Variants in IDH3B observed in about 807,000 individuals in gnomAD.
The protein encoded by IDH3B is isocitrate dehydrogenase [NAD] subunit beta, mitochondrial.
Under a neutral mutation model 47.5 loss-of-function variants are expected in IDH3B, and 40 were observed. That is an observed-to-expected ratio of 0.84 (90% confidence interval 0.65 to 1.10). The LOEUF is 1.10. IDH3B is among the 50% of genes least tolerant of loss of function. The pLI, the probability that IDH3B is intolerant of heterozygous loss-of-function variation, is 0.00. For synonymous variants in IDH3B, 185 were observed against 191.0 expected (o/e 0.97, Z 0.26); for missense variants, 450 against 505.2 (o/e 0.89, Z 1.05).
rs372640379 is a variant in IDH3B at position 2,658,567 on chromosome 20, C to T, written c.*184G>A. On this transcript the variant is annotated 3_prime_UTR_variant, in exon 12 of 12. Coordinates refer to ENST00000380843, the MANE Select transcript of IDH3B (RefSeq NM_006899.5). ...TCATCCATGTGGCCTGGGCTCCATCCTAACAATCCCCATCACCACCCAACA... is the reference window on the plus strand; with the variant it reads ...TCATCCATGTGGCCTGGGCTCCATCTTAACAATCCCCATCACCACCCAACA... The T allele has an allele frequency of 5.2e-5, 84 of 1,612,528 alleles. No homozygotes were observed. The highest frequency in any genetic ancestry group is 1.0e-4 in the Admixed American group (6 of 59,672).
intron 4 of IDH3B, among the ~76,000 whole-genome samples, chr20:2,663,054 G>T (rs765953841): frequency 6.6e-6 from 1 of 152,014 alleles, no homozygotes; most frequent in African/African-American, 2.4e-5. Flanking sequence ...TTGAACCAGG[G>T]ACGGGGAGGT....
intron 4 of IDH3B, among the ~76,000 whole-genome samples, chr20:2,662,192 G>A (rs867017143): frequency 3.3e-5 from 5 of 152,160 alleles, no homozygotes; most frequent in South Asian, 2.1e-4. Flanking sequence ...AGTGTGTTAC[G>A]GCAGCTATGG....
intron 9 of IDH3B, 117 bp downstream of exon 9, chr20:2,659,913 G>T: frequency 2.0e-6 from 3 of 1,477,058 alleles, no homozygotes; most frequent in Non-Finnish European, 2.8e-6. Flanking sequence ...AAAGAGGCAT[G>T]GTGGGCAGCG....
rs1342990052 is a variant in IDH3B at position 2,663,452 on chromosome 20, T to C, written c.331A>G (p.Ile111Val). Reference sequence around the variant, plus strand: ...GGCAAGAGGGCACACATACCAATGATGGCCACTTTGTTCTCCTTCATGGAA... The same window carrying C: ...GGCAAGAGGGCACACATACCAATGACGGCCACTTTGTTCTCCTTCATGGAA... ...LSSMKENKVA[I>V]IGKIHTPMEY... The change falls in exon 4 of 12, where the codon ATC becomes GTC. Residue 111 changes from isoleucine (I) to valine (V), a missense_variant. By Grantham distance (29) the Ile-to-Val change is conservative. Coordinates refer to ENST00000380843, the MANE Select transcript of IDH3B (RefSeq NM_006899.5). 6.2e-7 allele frequency: 1 copy of C among 1,614,110 alleles called. No individual in the cohort carries two copies. Among genetic ancestry groups the C allele is most frequent in the African/African-American group, 1.3e-5 (1 of 74,938 alleles).
Position 2,659,565 on chromosome 20 carries a change from A to T in IDH3B, c.1031T>A (p.Met344Lys), listed in dbSNP as rs749874729. The T allele has an allele frequency of 1.9e-6, 3 of 1,614,118 alleles. No individual in the cohort carries two copies. The highest frequency in any genetic ancestry group is 1.7e-5 in the Admixed American group (1 of 60,004). Residue 344 changes from methionine to lysine, a missense_variant, in exon 11 of 12, where the codon ATG becomes AAG. Transcript: ENST00000380843. Reference sequence around the variant, plus strand: ...CACCTTCTTCACCGCATCTGCGATCATGCTGGAGTGATACTCAAGACTGTG... The same window carrying T: ...CACCTTCTTCACCGCATCTGCGATCTTGCTGGAGTGATACTCAAGACTGTG... ...RHLNLEYHSSMIADAVKKVIK... is the reference protein window; with the variant it reads ...RHLNLEYHSSKIADAVKKVIK...
chr20:2,661,058 T>C (rs1224290593), intron 4 of IDH3B, 89 bp from the exon 5 acceptor site: 4 of 1,097,852 alleles, frequency 3.6e-6, no homozygotes, highest in Non-Finnish European at 5.6e-6. Flanking sequence ...AGGAACATCA[T>C]GTAACCCAGA....
intron 2 of IDH3B, 40 bp from the exon 3 acceptor site, chr20:2,663,798 G>T: frequency 6.2e-7 from 1 of 1,608,440 alleles, no homozygotes; most frequent in Non-Finnish European, 8.5e-7. Context: ...GATAGAGCTG[G>T]GGCGGGAGCA....
chr20:2,663,236 A>G (rs2086981425), intron 4 of IDH3B, among the ~76,000 whole-genome samples: 1 of 152,064 alleles, frequency 6.6e-6, no homozygotes, highest in East Asian at 1.9e-4. Context: ...CTCAGGACAG[A>G]CTCAGAACCC....
intron 4 of IDH3B, among the ~76,000 whole-genome samples, chr20:2,661,737 T>C (rs898959868): frequency 1.3e-5 from 2 of 151,772 alleles, no homozygotes; most frequent in Admixed American, 1.3e-4. Flanking sequence ...AGACAGAAAA[T>C]ATGAAAGACA....
In IDH3B at chr20:2,664,179, A is replaced by C. The variant is rs759496167; in HGVS notation, c.10T>G (p.Leu4Val). The C allele has an allele frequency of 5.6e-6, 9 of 1,613,646 alleles. No homozygotes were observed. Among genetic ancestry groups the C allele is most frequent in the Non-Finnish European group, 7.6e-6 (9 of 1,179,874 alleles). MAA[L>V]SGVRWLTRAL... ...CGGGTCAGCCAGCGGACTCCGCTCA[A>C]TGCCGCCATGTTTCCCGCAGGAAGT... Residue 4 changes from leucine (L) to valine (V), a missense_variant, in exon 1 of 12, where the codon TTG (leucine) becomes GTG (valine). Transcript: ENST00000380843.
At position 2,664,197 on chromosome 20, in the gene IDH3B, C is replaced by T. The variant is rs992233930; in HGVS notation, c.-9G>A. On this transcript the variant is annotated 5_prime_UTR_variant, in exon 1 of 12. Coordinates refer to ENST00000380843, the MANE Select transcript of IDH3B (RefSeq NM_006899.5). ...CCGCTCAATGCCGCCATGTTTCCCG[C>T]AGGAAGTCGCGTGGGAAGTGACGCC... 7.4e-6 allele frequency: 12 copies of T among 1,613,018 alleles called. No individual in the cohort carries two copies. The highest frequency in any genetic ancestry group is 1.3e-5 in the African/African-American group (1 of 75,056).
In IDH3B at chr20:2,659,773, G is replaced by A. The variant is rs527780057; in HGVS notation, c.936C>T (p.Ala312=). ...TGGCTATATTCCTGCCCACTGCCTG[G>A]GCAAATGGGTGCCGGGCACCCTGTG... ...VFETGARHPF[A]QAVGRNIANP... Residue 312 remains alanine, a synonymous_variant, in exon 10 of 12, where the codon GCC becomes GCT. Transcript: ENST00000380843. 2.5e-6 allele frequency: 4 copies of A among 1,614,022 alleles called. No individual in the cohort carries two copies. The highest frequency in any genetic ancestry group is 1.1e-5 in the South Asian group (1 of 91,080).
chr20:2,663,901 G>A (rs544594461), intron 2 of IDH3B, 24 bp downstream of exon 2: 9 of 1,612,564 alleles, frequency 5.6e-6, no homozygotes, highest in Non-Finnish European at 7.6e-6. Flanking sequence ...TCGTAAGAGA[G>A]ACCCCAGCCA....
intron 11 of IDH3B, chr20:2,659,240 G>GC: frequency 6.9e-7 from 1 of 1,443,308 alleles, no homozygotes; most frequent in Non-Finnish European, 9.0e-7. Context: ...AAGGAGAGCT[G>GC]CAAGTTCTGC....
At chr20:2,659,362 TGAA>T (rs751154521) in intron 11 of IDH3B, 160 bp downstream of exon 11, 15 of 1,575,160 alleles carry the variant, frequency 9.5e-6, no homozygotes, top group Admixed American at 1.7e-5. Flanking sequence ...AGAAGGGAGA[TGAA>T]GAACAGCCCT....
chr20:2,659,418 C>G (rs7352251), intron 11 of IDH3B, 107 bp downstream of exon 11: 5 of 1,539,244 alleles, frequency 3.2e-6, no homozygotes, highest in Non-Finnish European at 4.5e-6. Flanking sequence ...TTCTGGGGAC[C>G]TGGGGGGAAA....
At position 2,660,595 on chromosome 20, in the gene IDH3B, G is replaced by T; in HGVS notation, c.532-5C>A. 6.2e-7 allele frequency: 1 copy of T among 1,614,120 alleles called. No individual in the cohort carries two copies. ...CTCAATCACACCCCTTGCACTCTGG[G>T]TAAGAAGAAAGCAGCAGCTAGGTGA... On this transcript the variant is annotated splice_region_variant and splice_polypyrimidine_tract_variant and intron_variant, in intron 6 of 11. Coordinates refer to ENST00000380843, the MANE Select transcript of IDH3B (RefSeq NM_006899.5). This position sits in a 1 kb window ranked among gnomAD's most constrained non-coding sequence, Gnocchi z 5.6.
Position 2,663,497 on chromosome 20 carries a change from TCTC to T in IDH3B, c.283_285del (p.Glu95del), listed in dbSNP as rs779486676. The T allele has an allele frequency of 6.2e-7, 1 of 1,614,212 alleles. No individual in the cohort carries two copies. Among genetic ancestry groups the T allele is most frequent in the Admixed American group, 1.7e-5 (1 of 60,030 alleles). On this transcript the variant is annotated inframe_deletion, in exon 4 of 12. Transcript: ENST00000380843. Reference sequence around the variant, plus strand: ...ATGGAACTCAGCACCTGCTCCAGCTTCTCCTCAGATGCCATATTCTGCACCTCA... The same window carrying T: ...ATGGAACTCAGCACCTGCTCCAGCTTCTCAGATGCCATATTCTGCACCTCA...
chr20:2,659,969 G>C, intron 9 of IDH3B, 61 bp downstream of exon 9: 1 of 1,604,622 alleles, frequency 6.2e-7, no homozygotes, highest in Non-Finnish European at 8.5e-7. Flanking sequence ...GAGATATTGG[G>C]ATGGGAGAGG....
Sources: gnomAD v4.1 joint callset for allele counts (sites outside exome capture counted in the v4.1 genomes callset) on GRCh38, gnomAD v4.1.1 for gene constraint, Gnocchi (gnomAD v3.1) non-coding constraint, MANE v1.5 for transcripts, NCBI Gene and HGNC (gene_info 2026-07-23, HGNC 2026-07-21) for gene names.